Variants in ERP44 observed in about 807,000 individuals in gnomAD.
The protein encoded by ERP44 is endoplasmic reticulum protein 44.
A neutral mutation model predicts 53.4 loss-of-function variants in ERP44; 25 were observed. The observed-to-expected ratio is 0.47, with a 90% CI of 0.34 to 0.65. The LOEUF is 0.65. Ranked by LOEUF, ERP44 falls within the 30% of genes least tolerant of loss-of-function variation. ERP44 has a pLI of 0.01. For missense variants in ERP44, 338 were observed against 493.2 expected (o/e 0.69, Z 2.98); for synonymous variants, 145 against 161.2 (o/e 0.90, Z 0.76).
At chr9:100,041,891 C>T (rs2118688971) in intron 4 of ERP44, among the ~76,000 whole-genome samples, 1 of 152,238 alleles carries the variant, frequency 6.6e-6, no homozygotes, top group East Asian at 1.9e-4. Flanking sequence ...TCTTGCCATA[C>T]ACAAAAAATC....
intron 1 of ERP44, among the ~76,000 whole-genome samples, chr9:100,068,353 G>A (rs1346554333): frequency 6.6e-4 from 91 of 137,212 alleles, no homozygotes; most frequent in African/African-American, 2.5e-3. Flanking sequence ...CCCCCCGCCC[G>A]GCCAGCCGCC....
At chr9:100,048,301 AC>A (rs1267777686) in intron 4 of ERP44, among the ~76,000 whole-genome samples, 1 of 152,170 alleles carries the variant, frequency 6.6e-6, no homozygotes, top group African/African-American at 2.4e-5. Context: ...GTGCACATGT[AC>A]CCTAAAACTT....
intron 10 of ERP44, among the ~76,000 whole-genome samples, chr9:99,987,872 G>A (rs1830211602): frequency 6.6e-6 from 1 of 151,992 alleles, no homozygotes; most frequent in Admixed American, 6.6e-5. Context: ...TTCCCATTGA[G>A]TAGATACACA....
Position 99,979,682 on chromosome 9 carries a change from C to T in ERP44, c.*2930G>A. ...AGGCCCCCTTTTGGTTCTGGGGACTCAACCGTGTTCTTCAGTCTGGTCTTG... is the reference window on the plus strand; with the variant it reads ...AGGCCCCCTTTTGGTTCTGGGGACTTAACCGTGTTCTTCAGTCTGGTCTTG... On this transcript the variant is annotated 3_prime_UTR_variant, in exon 12 of 12. Coordinates refer to ENST00000262455, the MANE Select transcript of ERP44 (RefSeq NM_015051.3). The T allele has an allele frequency of 2.9e-6, 1 of 346,800 alleles. No individual in the cohort carries two copies. The highest frequency in any genetic ancestry group is 5.2e-6 in the Non-Finnish European group (1 of 193,916). 21.5% of individuals were successfully genotyped at this position (346,800 alleles called of 1,614,324 possible). A position where few individuals can be genotyped will look rare whatever the true frequency, so the allele number is the denominator to read the frequency against.
chr9:100,011,410 AAAG>A (rs1830474635), intron 8 of ERP44, among the ~76,000 whole-genome samples: 1 of 152,246 alleles, frequency 6.6e-6, no homozygotes, highest in Non-Finnish European at 1.5e-5. Flanking sequence ...ATTAAAAAGA[AAAG>A]AAGAGAATAT....
chr9:100,095,434 A>G (rs1463957847), intron 1 of ERP44, among the ~76,000 whole-genome samples: 1 of 152,188 alleles, frequency 6.6e-6, no homozygotes, highest in Non-Finnish European at 1.5e-5. Context: ...TGCTTTGAAC[A>G]ATGCTGTTTA....
intron 8 of ERP44, among the ~76,000 whole-genome samples, chr9:100,009,258 C>G (rs1024323962): frequency 6.6e-6 from 1 of 151,856 alleles, no homozygotes; most frequent in Non-Finnish European, 1.5e-5. Context: ...ACAACAAGTG[C>G]ACATCACCAT....
chr9:100,085,158 G>T (rs1826466628), intron 1 of ERP44, among the ~76,000 whole-genome samples: 1 of 152,160 alleles, frequency 6.6e-6, no homozygotes, highest in South Asian at 2.1e-4. Context: ...TGTGTATCAA[G>T]GAAGTCTTTA....
intron 3 of ERP44, among the ~76,000 whole-genome samples, chr9:100,057,489 T>C (rs1301769900): frequency 6.6e-6 from 1 of 152,214 alleles, no homozygotes; most frequent in Non-Finnish European, 1.5e-5. Flanking sequence ...CATACCCAAA[T>C]CATGACTTAT....
intron 11 of ERP44, among the ~76,000 whole-genome samples, chr9:99,983,028 C>T (rs955364750): frequency 6.6e-6 from 1 of 152,136 alleles, no homozygotes; most frequent in African/African-American, 2.4e-5. Flanking sequence ...TCGACAGAGA[C>T]AGCACAACCC....
At chr9:100,056,478 T>C (rs1396826911) in intron 3 of ERP44, among the ~76,000 whole-genome samples, 2 of 152,202 alleles carry the variant, frequency 1.3e-5, no homozygotes, top group African/African-American at 4.8e-5. Context: ...ATGGTATGTA[T>C]TCTCACAGAG....
At chr9:100,084,836 C>G (rs774275692) in intron 1 of ERP44, among the ~76,000 whole-genome samples, 4 of 152,132 alleles carry the variant, frequency 2.6e-5, no homozygotes, top group Non-Finnish European at 5.9e-5. Context: ...GAAGTAAGAG[C>G]TAAAGATAAT....
chr9:100,016,236 C>T (rs1830524687), intron 8 of ERP44, 86 bp downstream of exon 8: 2 of 1,509,632 alleles, frequency 1.3e-6, no homozygotes, highest in Non-Finnish European at 1.8e-6. Context: ...ATTCATAACT[C>T]TGTTAACATA....
chr9:100,031,783 C>T (rs973787947), intron 4 of ERP44, among the ~76,000 whole-genome samples: 5 of 152,184 alleles, frequency 3.3e-5, no homozygotes, highest in South Asian at 2.1e-4. Flanking sequence ...AGAGGAGGCA[C>T]GACAGACCCT....
rs1378276185 is a variant in ERP44 at position 100,072,117 on chromosome 9, A to G, written c.58-11945T>C. On this transcript the variant is annotated intron_variant, in intron 1 of 11. Coordinates refer to ENST00000262455, the MANE Select transcript of ERP44 (RefSeq NM_015051.3). ...ACTGTTTGAATTAGCTTTGTAAAGCAAACAGATTTATCTTTCATTTAGTCT... is the reference window on the plus strand; with the variant it reads ...ACTGTTTGAATTAGCTTTGTAAAGCGAACAGATTTATCTTTCATTTAGTCT... Among the ~76,000 whole-genome samples the G allele has an allele frequency of 3.9e-5, 6 of 152,324 alleles. No individual in the cohort carries two copies. The South Asian group carries it at 1.2e-3, about 32-fold the overall frequency.
chr9:100,012,390 G>A (rs1381999146), intron 8 of ERP44, among the ~76,000 whole-genome samples: 1 of 152,074 alleles, frequency 6.6e-6, no homozygotes, highest in East Asian at 1.9e-4. Flanking sequence ...TTGAGAAATA[G>A]CTATTATAAA....
intron 1 of ERP44, among the ~76,000 whole-genome samples, chr9:100,085,522 T>G (rs1826470022): frequency 6.6e-6 from 1 of 152,218 alleles, no homozygotes; most frequent in South Asian, 2.1e-4. Context: ...GAAGCAATAT[T>G]CCAGACCACA....
At chr9:100,079,804 G>A (rs1587983884) in intron 1 of ERP44, among the ~76,000 whole-genome samples, 1 of 151,944 alleles carries the variant, frequency 6.6e-6, no homozygotes, top group Admixed American at 6.6e-5. Context: ...GCATAGTGGT[G>A]TATGCCTGTA....
intron 10 of ERP44, among the ~76,000 whole-genome samples, chr9:100,002,009 T>G (rs1045543442): frequency 1.3e-5 from 2 of 151,998 alleles, no homozygotes; most frequent in African/African-American, 4.8e-5. Context: ...GTGGTTACCA[T>G]GAGATTTACG....
Sources: allele counts gnomAD v4.1 joint callset (sites outside exome capture counted in the v4.1 genomes callset), GRCh38; gene constraint gnomAD v4.1.1; transcripts MANE v1.5; gene names NCBI Gene and HGNC (gene_info 2026-07-23, HGNC 2026-07-21).